The following MTUS1 variants were observed in gnomAD, a reference collection of about 807,000 sequenced individuals.
MTUS1 encodes microtubule associated scaffold protein 1.
MTUS1 carries 109 observed loss-of-function variants against 120.8 expected under a neutral mutation model. The observed-to-expected ratio is 0.90, with a 90% confidence interval of 0.77 to 1.06. MTUS1 has a LOEUF of 1.06. Among genes scored for constraint, MTUS1 ranks in the 50% least tolerant of loss-of-function variants. MTUS1 has a pLI of 0.00. For missense variants in MTUS1, 2,210 were observed against 1,486.3 expected (o/e 1.49, Z -8.01); for synonymous variants, 737 against 550.5 (o/e 1.34, Z -4.74).
chr8:17,767,158 T>A (rs2049576043), intron 1 of MTUS1, among the ~76,000 whole-genome samples: 1 of 147,754 alleles, frequency 6.8e-6, no homozygotes, highest in Non-Finnish European at 1.5e-5. Context: ...CGACTTTTCT[T>A]TTTTCACTTT....
Sources: allele counts gnomAD v4.1 joint callset (sites outside exome capture counted in the v4.1 genomes callset), GRCh38; gene constraint gnomAD v4.1.1; transcripts MANE v1.5; gene names NCBI Gene and HGNC (gene_info 2026-07-23, HGNC 2026-07-21).